Variants in TEX14 observed in about 807,000 individuals in gnomAD.
TEX14 encodes testis expressed 14, intercellular bridge forming factor.
TEX14 carries 168 observed loss-of-function variants against 178.6 expected under a neutral mutation model. That is an observed-to-expected ratio of 0.94 (90% CI 0.83 to 1.07). The LOEUF is 1.07. Among genes scored for constraint, TEX14 ranks in the 50% least tolerant of loss-of-function variants. The pLI is 0.00. For synonymous variants in TEX14, 626 were observed against 634.1 expected (o/e 0.99, Z 0.19); for missense variants, 1,730 against 1,753.6 (o/e 0.99, Z 0.24).
intron 28 of TEX14, 22 bp from the exon 29 acceptor site, chr17:58,561,634 G>A: frequency 6.6e-7 from 1 of 1,518,312 alleles, no homozygotes; most frequent in African/African-American, 1.4e-5. Context: ...CAAGTGAAGA[G>A]AATGGAGACA....
chr17:58,689,584 A>T (rs2047657616), intron 1 of TEX14, among the ~76,000 whole-genome samples: 1 of 152,186 alleles, frequency 6.6e-6, no homozygotes, highest in Non-Finnish European at 1.5e-5. Flanking sequence ...CACACTACAC[A>T]GATGTAATGT....
rs181081236 is a variant in TEX14 at position 58,629,958 on chromosome 17, C to T, written c.251+482G>A. On this transcript the variant is annotated intron_variant, in intron 3 of 31. Transcript: ENST00000349033. ...TGACGGAGTTTTGCTCTTCCCACCT[C>T]GGCCTCCCAAAGTGCTGGGATTACA... Among the ~76,000 whole-genome samples, 285 of 143,230 alleles carry T rather than the reference C, an allele frequency of 2.0e-3. 2 individuals carry two copies. The highest frequency in any genetic ancestry group is 7.2e-3 in the African/African-American group (273 of 38,166). 94.0% of individuals were successfully genotyped at this position (143,230 alleles called of 152,430 possible).
intron 2 of TEX14, chr17:58,631,692 A>C (rs1182476238): frequency 1.3e-5 from 2 of 151,480 alleles, no homozygotes; most frequent in Admixed American, 1.3e-4. Flanking sequence ...AGCAAACAGC[A>C]GTTAGAATAA....
At chr17:58,657,306 G>C (rs1169620037) in intron 1 of TEX14, among the ~76,000 whole-genome samples, 2 of 151,820 alleles carry the variant, frequency 1.3e-5, no homozygotes, top group Non-Finnish European at 2.9e-5. Flanking sequence ...GTGAGGGCTT[G>C]TGCCTGTTCT....
intron 11 of TEX14, among the ~76,000 whole-genome samples, chr17:58,604,523 G>A (rs1290379316): frequency 2.0e-5 from 3 of 150,786 alleles, no homozygotes; most frequent in Non-Finnish European, 4.4e-5. Flanking sequence ...TGGATTAAAT[G>A]CATCATCACT....
chr17:58,659,122 CCGT>C (rs2047037860), intron 1 of TEX14, among the ~76,000 whole-genome samples: 1 of 150,552 alleles, frequency 6.6e-6, no homozygotes, highest in African/African-American at 2.5e-5. Context: ...AACACACAAG[CCGT>C]CTTTTAAACT....
At chr17:58,689,847 A>ATTT (rs200475844) in intron 1 of TEX14, among the ~76,000 whole-genome samples, 7 of 141,272 alleles carry the variant, frequency 5.0e-5, no homozygotes, top group Non-Finnish European at 9.3e-5. Flanking sequence ...GGGCCAGAAG[A>ATTT]TTTTTTTTTT....
At chr17:58,623,436 C>T (rs2046051064) in intron 3 of TEX14, among the ~76,000 whole-genome samples, 1 of 152,100 alleles carries the variant, frequency 6.6e-6, no homozygotes. Context: ...TAACAAGGCG[C>T]CACCTCTCTC....
intron 9 of TEX14, 100 bp from the exon 10 acceptor site, chr17:58,611,439 GT>G: frequency 1.2e-6 from 1 of 852,828 alleles, no homozygotes; most frequent in Non-Finnish European, 1.8e-6. Context: ...GATCCTCATG[GT>G]TACCAAGGAT....
chr17:58,574,609 G>A (rs2044630934), intron 21 of TEX14, among the ~76,000 whole-genome samples: 1 of 141,404 alleles, frequency 7.1e-6, no homozygotes, highest in Admixed American at 7.9e-5. Context: ...AGGAGGCGGA[G>A]GTTGCAGTGA....
intron 1 of TEX14, chr17:58,660,639 C>A (rs1193232086): frequency 1.3e-6 from 1 of 789,902 alleles, no homozygotes; most frequent in African/African-American, 1.7e-5. Flanking sequence ...TCATCCCACT[C>A]TCGAGCTCTT....
intron 2 of TEX14, among the ~76,000 whole-genome samples, chr17:58,650,373 G>A (rs769540476): frequency 6.6e-6 from 1 of 151,908 alleles, no homozygotes. Flanking sequence ...GTTTTACAAC[G>A]TTTTATTTTA....
chr17:58,570,298 G>T, intron 25 of TEX14, 87 bp downstream of exon 25: 1 of 804,494 alleles, frequency 1.2e-6, no homozygotes, highest in Non-Finnish European at 1.8e-6. Context: ...ATTTCTGTCT[G>T]AACCTAATGT....
At chr17:58,660,644 G>T (rs1210994893) in intron 1 of TEX14, 1 of 788,152 alleles carries the variant, frequency 1.3e-6, no homozygotes, top group South Asian at 1.3e-5. Flanking sequence ...CCACTCTCGA[G>T]CTCTTTGGAG....
At chr17:58,563,191 G>A (rs1168096052) in intron 28 of TEX14, among the ~76,000 whole-genome samples, 1 of 151,838 alleles carries the variant, frequency 6.6e-6, no homozygotes, top group Non-Finnish European at 1.5e-5. Context: ...CCTAGTCCTG[G>A]CCCCGAATAA....
intron 1 of TEX14, chr17:58,679,572 T>G (rs2047461645): frequency 2.0e-5 from 3 of 152,312 alleles, no homozygotes; most frequent in Middle Eastern, 3.4e-3. Context: ...ATTATGCAAT[T>G]AAGTTTCCCA....
intron 14 of TEX14, 151 bp downstream of exon 14, chr17:58,598,725 G>T: frequency 1.3e-6 from 1 of 779,132 alleles, no homozygotes; most frequent in South Asian, 1.7e-5. Context: ...GTCCTGCTTA[G>T]GATGCCCCTT....
intron 1 of TEX14, among the ~76,000 whole-genome samples, chr17:58,682,916 C>A (rs1264196389): frequency 6.6e-6 from 1 of 152,024 alleles, no homozygotes; most frequent in African/African-American, 2.4e-5. Flanking sequence ...AGCCTCATTT[C>A]TTTGATTAGA....
chr17:58,640,631 G>T (rs1043869477), intron 2 of TEX14, among the ~76,000 whole-genome samples: 4 of 137,918 alleles, frequency 2.9e-5, no homozygotes, highest in African/African-American at 1.1e-4. Context: ...GTGTGTGTGT[G>T]TGTGTGTGTG....
Sources: allele counts gnomAD v4.1 joint callset (sites outside exome capture counted in the v4.1 genomes callset), GRCh38; gene constraint gnomAD v4.1.1; transcripts MANE v1.5; gene names NCBI Gene and HGNC (gene_info 2026-07-23, HGNC 2026-07-21).